GRM8: variants seen among roughly 807,000 people sequenced by gnomAD.
The protein encoded by GRM8 is metabotropic glutamate receptor 8.
In GRM8, 47 loss-of-function variants were observed where a neutral mutation model predicts 87.2. The observed-to-expected ratio is 0.54, with a 90% CI of 0.43 to 0.69. The LOEUF (loss-of-function observed/expected upper bound fraction) is 0.69, where lower values mean the gene tolerates loss of function less well. Ranked by LOEUF, GRM8 falls within the 30% of genes least tolerant of loss-of-function variation. The pLI, the probability that GRM8 is intolerant of heterozygous loss-of-function variation, is 0.00. For missense variants in GRM8, 1,019 were observed against 1,139.2 expected (o/e 0.89, Z 1.52); for synonymous variants, 396 against 404.5 (o/e 0.98, Z 0.25).
intron 6 of GRM8, among the ~76,000 whole-genome samples, chr7:126,822,832 C>T (rs1794426715): frequency 6.6e-6 from 1 of 152,214 alleles, no homozygotes; most frequent in Non-Finnish European, 1.5e-5. Flanking sequence ...AATGCATCTA[C>T]ATATCTGGTT....
In GRM8 at chr7:126,675,397, A is replaced by G. The variant is rs190481605; in HGVS notation, c.1358-65899T>C. Among the ~76,000 whole-genome samples, 29 of 152,326 alleles carry G rather than the reference A, an allele frequency of 1.9e-4. 2 individuals carry two copies. In the East Asian group the frequency reaches 3.7e-3, roughly 19 times the overall value. On this transcript the variant is annotated intron_variant, in intron 7 of 10. Transcript: ENST00000339582. ...TCCTCCCTATCTCATTACAAAGCTC[A>G]TATCAAACTGATACCTAAGCCAGGA...
chr7:127,078,126 A>G (rs1336244261), intron 3 of GRM8, among the ~76,000 whole-genome samples: 8 of 152,242 alleles, frequency 5.3e-5, no homozygotes, highest in Non-Finnish European at 1.2e-4. Flanking sequence ...AGTCCTAGGC[A>G]TATCCAAATT....
intron 2 of GRM8, among the ~76,000 whole-genome samples, chr7:127,132,704 G>A (rs1163157758): frequency 1.3e-5 from 2 of 152,044 alleles, no homozygotes; most frequent in Admixed American, 6.5e-5. Context: ...TCCTGGCCTC[G>A]CAAGTACCTG....
At chr7:126,907,694 C>G (rs2518949) in intron 3 of GRM8, among the ~76,000 whole-genome samples, 58,462 of 151,908 alleles carry the variant, frequency 0.38, 11,572 homozygotes, top group East Asian at 0.66. Flanking sequence ...TTTGAGTGGC[C>G]CATAGGAATA....
At chr7:126,673,772 T>C (rs1381154483) in intron 7 of GRM8, among the ~76,000 whole-genome samples, 3 of 152,330 alleles carry the variant, frequency 2.0e-5, no homozygotes, top group African/African-American at 7.2e-5. Flanking sequence ...TTTAATAGCA[T>C]GTATTAAATA....
rs753499306 is a variant in GRM8 at position 127,053,796 on chromosome 7, AAAG to A, written c.727+52697_727+52699del. ...GAGCGAGACTCTGTCTCAAAAAAAA[AAAG>A]GGGGGGGGGAATATACATTTCATCT... On this transcript the variant is annotated intron_variant, in intron 3 of 10. Transcript: ENST00000339582. 1.8e-3 allele frequency among the ~76,000 whole-genome samples: 145 copies of A among 80,064 alleles called. 3 individuals are homozygous for A. The highest frequency in any genetic ancestry group is 6.6e-3 in the African/African-American group (133 of 20,112). 52.5% of individuals were successfully genotyped at this position (80,064 alleles called of 152,430 possible). A position where few individuals can be genotyped will look rare whatever the true frequency, so the allele number is the denominator to read the frequency against.
intron 9 of GRM8, among the ~76,000 whole-genome samples, chr7:126,450,566 G>A (rs541319043): frequency 4.4e-4 from 66 of 151,604 alleles, no homozygotes; most frequent in African/African-American, 1.5e-3. Flanking sequence ...CAAAAAATGG[G>A]TTTTCTTTTG....
At chr7:127,073,270 T>G (rs1238812777) in intron 3 of GRM8, among the ~76,000 whole-genome samples, 1 of 152,124 alleles carries the variant, frequency 6.6e-6, no homozygotes, top group Non-Finnish European at 1.5e-5. Context: ...TGCCTCTGGA[T>G]CACTCTGAAC....
chr7:126,799,316 G>A (rs989326142), intron 6 of GRM8, among the ~76,000 whole-genome samples: 2 of 152,030 alleles, frequency 1.3e-5, no homozygotes, highest in Admixed American at 6.6e-5. Flanking sequence ...CTGAAGGCAC[G>A]CTCAGGAATC....
chr7:126,753,835 T>C (rs1444913966), intron 7 of GRM8, among the ~76,000 whole-genome samples: 3 of 151,914 alleles, frequency 2.0e-5, no homozygotes, highest in Non-Finnish European at 4.4e-5. Flanking sequence ...CCATATAGTG[T>C]ATTTTATTCT....
intron 2 of GRM8, among the ~76,000 whole-genome samples, chr7:127,172,101 G>A (rs11971948): frequency 0.19 from 28,941 of 151,776 alleles, 3,118 homozygotes; most frequent in Non-Finnish European, 0.25. Flanking sequence ...GTAAAGTGAC[G>A]AAATGAAGTA....
At chr7:126,573,426 C>T (rs988610889) in intron 8 of GRM8, among the ~76,000 whole-genome samples, 3 of 151,636 alleles carry the variant, frequency 2.0e-5, no homozygotes, top group Non-Finnish European at 4.4e-5. Flanking sequence ...AAAGCTGTAA[C>T]CAAAAATAGA....
At chr7:127,074,648 T>C (rs3808122) in intron 3 of GRM8, among the ~76,000 whole-genome samples, 41,496 of 152,140 alleles carry the variant, frequency 0.27, 6,310 homozygotes, top group African/African-American at 0.41. Context: ...ATTATACAAG[T>C]TGCTTTGCCT....
chr7:126,530,602 C>T (rs910126799), intron 9 of GRM8, among the ~76,000 whole-genome samples: 9 of 152,324 alleles, frequency 5.9e-5, no homozygotes, highest in Admixed American at 2.0e-4. Flanking sequence ...TGTGTGCTAG[C>T]TAGCTGTAGT....
At chr7:126,815,655 A>G (rs2151749775) in intron 6 of GRM8, among the ~76,000 whole-genome samples, 1 of 152,280 alleles carries the variant, frequency 6.6e-6, no homozygotes, top group South Asian at 2.1e-4. Context: ...CTAAATCTCT[A>G]AGGTGATCCT....
At chr7:127,062,992 C>A (rs1432662229) in intron 3 of GRM8, among the ~76,000 whole-genome samples, 1 of 152,134 alleles carries the variant, frequency 6.6e-6, no homozygotes, top group Admixed American at 6.5e-5. Flanking sequence ...GTGGCTCACA[C>A]CTGTAATCCC....
intron 6 of GRM8, among the ~76,000 whole-genome samples, chr7:126,777,193 CT>C (rs1337354129): frequency 6.6e-6 from 1 of 152,024 alleles, no homozygotes; most frequent in East Asian, 1.9e-4. Context: ...TTCTGATATG[CT>C]GGCTAAATGA....
At chr7:127,111,095 T>C (rs1042961634) in intron 2 of GRM8, 2 of 152,326 alleles carry the variant, frequency 1.3e-5, no homozygotes, top group South Asian at 2.1e-4. Context: ...AAGGTTGAGA[T>C]ATGGTGCAAG....
intron 3 of GRM8, among the ~76,000 whole-genome samples, chr7:127,044,470 T>C (rs1236163708): frequency 6.6e-6 from 1 of 152,126 alleles, no homozygotes; most frequent in East Asian, 1.9e-4. Context: ...ATTTAGATAT[T>C]AAAATTAATT....
Sources: gnomAD v4.1 joint callset for allele counts (sites outside exome capture counted in the v4.1 genomes callset) on GRCh38, gnomAD v4.1.1 for gene constraint, MANE v1.5 for transcripts, NCBI Gene and HGNC (gene_info 2026-07-23, HGNC 2026-07-21) for gene names.